Variants in HIRA observed in about 807,000 individuals in gnomAD.
The protein encoded by HIRA is histone cell cycle regulator.
A neutral mutation model predicts 126.6 loss-of-function variants in HIRA; 13 were observed. The observed-to-expected ratio is 0.10, with a 90% CI of 0.07 to 0.16. The LOEUF (loss-of-function observed/expected upper bound fraction) is 0.16. Ranked by LOEUF, HIRA falls within the 10% of genes least tolerant of loss-of-function variation. The pLI, the probability that HIRA is intolerant of heterozygous loss-of-function variation, is 1.00. For missense variants in HIRA, 834 were observed against 1,314.4 expected (o/e 0.63, Z 5.65); for synonymous variants, 511 against 520.0 (o/e 0.98, Z 0.24).
At chr22:19,411,244 G>A (rs965161824) in intron 1 of HIRA, among the ~76,000 whole-genome samples, 1 of 152,242 alleles carries the variant, frequency 6.6e-6, no homozygotes, top group Non-Finnish European at 1.5e-5. Context: ...TGTTTGTGCT[G>A]TGAAGTTCCC....
At chr22:19,422,999 G>A (rs573751732) in intron 1 of HIRA, among the ~76,000 whole-genome samples, 2 of 152,224 alleles carry the variant, frequency 1.3e-5, no homozygotes, top group South Asian at 2.1e-4. Context: ...GGCTGGCTGC[G>A]GCTTTCTCTG....
intron 18 of HIRA, among the ~76,000 whole-genome samples, chr22:19,358,146 C>T (rs534762795): frequency 4.7e-4 from 71 of 152,242 alleles, no homozygotes; most frequent in African/African-American, 1.7e-3. Context: ...ATTACAGGCA[C>T]ATGCTACCAC....
intron 1 of HIRA, 134 bp from the exon 2 acceptor site, chr22:19,410,912 G>A (rs1601853323): frequency 1.3e-6 from 1 of 744,158 alleles, no homozygotes; most frequent in African/African-American, 1.7e-5. Flanking sequence ...AAGTCCAACA[G>A]TGGGAGAAAG....
chr22:19,390,672 G>A (rs1314622972), intron 9 of HIRA, among the ~76,000 whole-genome samples: 1 of 148,724 alleles, frequency 6.7e-6, no homozygotes, highest in Non-Finnish European at 1.5e-5. Flanking sequence ...AGCGAGTGAG[G>A]AGTACTAGGC....
intron 18 of HIRA, among the ~76,000 whole-genome samples, chr22:19,359,006 G>A (rs1273959535): frequency 1.3e-5 from 2 of 152,152 alleles, no homozygotes; most frequent in Non-Finnish European, 2.9e-5. Flanking sequence ...AGGTCAAGGT[G>A]AGCCAGGCAC....
Position 19,407,174 on chromosome 22 carries a change from T to G in HIRA, c.302+10A>C. On this transcript the variant is annotated intron_variant, in intron 4 of 24. Coordinates refer to ENST00000263208, the MANE Select transcript of HIRA (RefSeq NM_003325.4). ...AAAATAAAATGTGAAGAAAGGAAAA[T>G]GATGCTTACGTAGCCCGCTTCCACA... The G allele has an allele frequency of 6.2e-7, 1 of 1,604,706 alleles. No individual in the cohort carries two copies. The highest frequency in any genetic ancestry group is 8.5e-7 in the Non-Finnish European group (1 of 1,171,702).
chr22:19,359,215 T>C (rs1036701808), intron 18 of HIRA, 121 bp downstream of exon 18: 39 of 1,053,458 alleles, frequency 3.7e-5, no homozygotes, highest in Non-Finnish European at 1.8e-5. Flanking sequence ...AAGCCTGGTG[T>C]GAGTCTCTGT....
intron 15 of HIRA, 104 bp downstream of exon 15, chr22:19,375,527 T>C (rs1387486264): frequency 2.6e-5 from 33 of 1,255,952 alleles, no homozygotes; most frequent in Non-Finnish European, 3.1e-5. Flanking sequence ...TAGAGTCTTT[T>C]CCCCAACAGG....
rs141695599 is a variant in HIRA, at chr22:19,388,888, G to A, written c.937-334C>T. ...TGGTCGGAGGAGAGGGACAGCCCCA[G>A]GGTGGACCTCTGAGAGGGTCTATGG... On this transcript the variant is annotated intron_variant, in intron 9 of 24. Transcript: ENST00000263208. Among the ~76,000 whole-genome samples, 404 of 152,306 alleles carry A rather than the reference G, an allele frequency of 2.7e-3. 4 individuals are homozygous for A. The highest frequency in any genetic ancestry group is 9.5e-3 in the African/African-American group (393 of 41,554).
At chr22:19,368,638 G>A (rs1195262920) in intron 15 of HIRA, among the ~76,000 whole-genome samples, 1 of 152,170 alleles carries the variant, frequency 6.6e-6, no homozygotes, top group African/African-American at 2.4e-5. Context: ...TCCTGGTTCA[G>A]ACTGATCTGA....
intron 5 of HIRA, among the ~76,000 whole-genome samples, chr22:19,399,615 T>C (rs941847345): frequency 1.3e-5 from 2 of 152,194 alleles, no homozygotes; most frequent in East Asian, 1.9e-4. Flanking sequence ...GGGCAGAATA[T>C]CTGAGCATCC....
intron 24 of HIRA, among the ~76,000 whole-genome samples, chr22:19,345,487 G>A (rs915133704): frequency 6.6e-6 from 1 of 152,178 alleles, no homozygotes; most frequent in African/African-American, 2.4e-5. Context: ...CACTGCCACA[G>A]GTCTTACAGC....
At chr22:19,353,610 A>T in intron 22 of HIRA, 91 bp from the exon 23 acceptor site, 1 of 1,346,568 alleles carries the variant, frequency 7.4e-7, no homozygotes, top group Non-Finnish European at 9.9e-7. Flanking sequence ...AGGAGCTGGC[A>T]GGAGGCAGGC....
intron 24 of HIRA, among the ~76,000 whole-genome samples, chr22:19,331,827 A>T (rs528127664): frequency 6.6e-6 from 1 of 152,334 alleles, no homozygotes; most frequent in South Asian, 2.1e-4. Context: ...TGCTGACCTT[A>T]TAGTGACTGA....
At chr22:19,424,032 T>A (rs1188505079) in intron 1 of HIRA, among the ~76,000 whole-genome samples, 1 of 152,202 alleles carries the variant, frequency 6.6e-6, no homozygotes, top group Non-Finnish European at 1.5e-5. Context: ...CAGACACTGT[T>A]AGCTGCCCAT....
rs1308176383 is a variant in HIRA at position 19,375,660 on chromosome 22, C to T, written c.1746G>A (p.Leu582=). 6.2e-7 allele frequency: 1 copy of T among 1,614,146 alleles called. No individual in the cohort carries two copies. The highest frequency in any genetic ancestry group is 2.2e-5 in the East Asian group (1 of 44,878). Residue 582 remains leucine, a synonymous_variant, in exon 15 of 25, where the codon CTG becomes CTA. Transcript: ENST00000263208. ...RSKATPGAPA[L]TSMTPTAVER... ...CCACAGCTGTCGGAGTCATGCTGGT[C>T]AGGGCAGGAGCACCTGGTGTGGCTT...
intron 1 of HIRA, among the ~76,000 whole-genome samples, chr22:19,422,131 T>C (rs1003147356): frequency 6.6e-6 from 1 of 150,642 alleles, no homozygotes; most frequent in Admixed American, 6.7e-5. Flanking sequence ...ATTTAAGGTC[T>C]GGACATTTTA....
intron 24 of HIRA, among the ~76,000 whole-genome samples, chr22:19,341,220 A>G (rs1252323304): frequency 1.3e-5 from 2 of 151,578 alleles, no homozygotes; most frequent in Non-Finnish European, 2.9e-5. Context: ...GGAGGCTAAA[A>G]TGGGCAGATC....
rs2089228823 is a variant in HIRA at position 19,396,933 on chromosome 22, G to A, written c.508C>T (p.Leu170=). ...AVKFPEILAT[L]RGHSGLVKGL... ...TTGACCAAGCCAGAATGACCTCTCA[G>A]AGTAGCTAGAATTTCTGTGAAGAAA... Residue 170 remains leucine, a synonymous_variant, in exon 7 of 25, where the codon CTG becomes TTG. Coordinates refer to ENST00000263208, the MANE Select transcript of HIRA (RefSeq NM_003325.4). 2 of 1,614,150 alleles carry A rather than the reference G, an allele frequency of 1.2e-6. No individual in the cohort carries two copies. The highest frequency in any genetic ancestry group is 1.7e-6 in the Non-Finnish European group (2 of 1,179,992).
Sources: allele counts gnomAD v4.1 joint callset (sites outside exome capture counted in the v4.1 genomes callset), GRCh38; gene constraint gnomAD v4.1.1; transcripts MANE v1.5; gene names NCBI Gene and HGNC (gene_info 2026-07-23, HGNC 2026-07-21).